The following BRIP1 variants were observed in gnomAD, a reference collection of about 807,000 sequenced individuals.
The protein encoded by BRIP1 is Fanconi anemia group J protein.
Under a neutral mutation model 119.7 loss-of-function variants are expected in BRIP1, and 88 were observed. The observed-to-expected ratio is 0.74, with a 90% CI of 0.62 to 0.88. BRIP1 has a LOEUF of 0.88. BRIP1 is among the 40% of genes least tolerant of loss of function. The probability of loss-of-function intolerance (pLI) is 0.00; values close to 1 mark genes in which losing one functional copy is unlikely to be tolerated. For synonymous variants in BRIP1, 443 were observed against 496.5 expected, an observed-to-expected ratio of 0.89 and a Z score of 1.43; for missense variants, 1,259 against 1,455.4, an observed-to-expected ratio of 0.87 and a Z score of 2.20.
rs960153427 is a variant in BRIP1, at chr17:61,761,924, G to A, written c.2097+14477C>T. Among the ~76,000 whole-genome samples the A allele has an allele frequency of 2.0e-5, 3 of 151,802 alleles. No individual in the cohort carries two copies. Among genetic ancestry groups the A allele is most frequent in the South Asian group, 4.2e-4 (2 of 4,810 alleles). Reference sequence around the variant, plus strand: ...AAAAAAGAATCCTAAATTTCATATAGAGCCACAAGAAGCTTTGAATAGCCA... The same window carrying A: ...AAAAAAGAATCCTAAATTTCATATAAAGCCACAAGAAGCTTTGAATAGCCA... On this transcript the variant is annotated intron_variant, in intron 14 of 19. Coordinates refer to ENST00000259008, the MANE Select transcript of BRIP1 (RefSeq NM_032043.3). This position sits in a 1 kb window ranked among gnomAD's most constrained non-coding sequence, Gnocchi z 6.4.
intron 16 of BRIP1, among the ~76,000 whole-genome samples, chr17:61,731,949 T>C (rs1380675563): frequency 6.6e-6 from 1 of 150,814 alleles, no homozygotes; most frequent in Non-Finnish European, 1.5e-5. Context: ...TTCTGAATAG[T>C]TGCTTTTTTT....
At position 61,803,190 on chromosome 17, in the gene BRIP1, G is replaced by A. The variant is rs544815885; in HGVS notation, c.919-1716C>T. On this transcript the variant is annotated intron_variant, in intron 7 of 19. Coordinates refer to ENST00000259008, the MANE Select transcript of BRIP1 (RefSeq NM_032043.3). The surrounding 1 kb of genome is among the most constrained non-coding windows in gnomAD (Gnocchi z 4.3). ...GTTCACTGCAACCTCCGCCTCCCAG[G>A]TTCAAGCAATTCTTGTGCCTCAGCC... Among the ~76,000 whole-genome samples, 7 of 152,092 alleles carry A rather than the reference G, an allele frequency of 4.6e-5. No homozygotes were observed. The highest frequency in any genetic ancestry group is 1.4e-4 in the African/African-American group (6 of 41,494).
intron 11 of BRIP1, among the ~76,000 whole-genome samples, chr17:61,781,570 G>A (rs1434828356): frequency 6.6e-6 from 1 of 152,084 alleles, no homozygotes; most frequent in South Asian, 2.1e-4. Context: ...TGATATCTGT[G>A]ATCCCATCCA....
chr17:61,714,423 A>G (rs945155089), intron 17 of BRIP1, among the ~76,000 whole-genome samples: 1 of 152,144 alleles, frequency 6.6e-6, no homozygotes, highest in African/African-American at 2.4e-5. Flanking sequence ...CTACACTTAT[A>G]TACTCAATTA....
At position 61,751,159 on chromosome 17, in the gene BRIP1, T is replaced by C. The variant is rs2077126405; in HGVS notation, c.2098-6568A>G. ...GGAAAATTATTCAACTATAAAGGAA[T>C]GAAATTCTGACAAATGCTTGAATAT... On this transcript the variant is annotated intron_variant, in intron 14 of 19. Coordinates refer to ENST00000259008, the MANE Select transcript of BRIP1 (RefSeq NM_032043.3). The surrounding 1 kb of genome is among the most constrained non-coding windows in gnomAD (Gnocchi z 6.7). 6.6e-6 allele frequency among the ~76,000 whole-genome samples: 1 copy of C among 152,192 alleles called. No homozygotes were observed. Among genetic ancestry groups the C allele is most frequent in the Admixed American group, 6.5e-5 (1 of 15,274 alleles).
chr17:61,718,638 T>A (rs910135000), intron 16 of BRIP1, among the ~76,000 whole-genome samples: 7 of 152,208 alleles, frequency 4.6e-5, no homozygotes, highest in African/African-American at 1.7e-4. Context: ...CTAAACTTTA[T>A]CTCTTTAACT....
At position 61,778,008 on chromosome 17, in the gene BRIP1, GT is replaced by G. The variant is rs1264086226; in HGVS notation, c.1936-1447del. On this transcript the variant is annotated intron_variant, in intron 13 of 19. Transcript: ENST00000259008. This position sits in a 1 kb window ranked among gnomAD's most constrained non-coding sequence, Gnocchi z 4.4. The stretch of plus-strand genomic sequence containing the variant: ...TAGTCATCTCATTAGCATACAAAAT[GT>G]CACTTTGGAGATTCTAAGGATTTTA... Among the ~76,000 whole-genome samples the G allele has an allele frequency of 3.9e-5, 6 of 152,222 alleles. No homozygotes were observed. Among genetic ancestry groups the G allele is most frequent in the African/African-American group, 1.2e-4 (5 of 41,550 alleles).
Position 61,717,629 on chromosome 17 carries a change from G to A in BRIP1, c.2380-1566C>T, listed in dbSNP as rs1343524613. Among the ~76,000 whole-genome samples, 3 of 152,002 alleles carry A rather than the reference G, an allele frequency of 2.0e-5. No homozygotes were observed. Among genetic ancestry groups the A allele is most frequent in the East Asian group, 3.9e-4 (2 of 5,186 alleles). ...CTGTAATGTTCCCCTTTCTTTTAGCGACTTTGGATTGGATTACAGTGTGCT... is the reference window on the plus strand; with the variant it reads ...CTGTAATGTTCCCCTTTCTTTTAGCAACTTTGGATTGGATTACAGTGTGCT... On this transcript the variant is annotated intron_variant, in intron 16 of 19. Transcript: ENST00000259008. This position sits in a 1 kb window ranked among gnomAD's most constrained non-coding sequence, Gnocchi z 4.1.
rs1051304974 is a variant in BRIP1, at chr17:61,834,501, C to T, written c.627+12600G>A. Reference sequence around the variant, plus strand: ...TATATATGTAATATATACTACGTAACAAAAATGGCAACAAATTCTACTTAT... The same window carrying T: ...TATATATGTAATATATACTACGTAATAAAAATGGCAACAAATTCTACTTAT... On this transcript the variant is annotated intron_variant, in intron 6 of 19. Transcript: ENST00000259008. This position sits in a 1 kb window ranked among gnomAD's most constrained non-coding sequence, Gnocchi z 4.4. Among the ~76,000 whole-genome samples the T allele has an allele frequency of 6.6e-5, 10 of 152,112 alleles. No individual in the cohort carries two copies. Among genetic ancestry groups the T allele is most frequent in the African/African-American group, 2.2e-4 (9 of 41,498 alleles).
intron 6 of BRIP1, among the ~76,000 whole-genome samples, chr17:61,838,329 G>T (rs1288272499): frequency 6.6e-6 from 1 of 151,814 alleles, no homozygotes; most frequent in Non-Finnish European, 1.5e-5. Flanking sequence ...CAAAGTGCTG[G>T]GATTATAGGA....
chr17:61,858,578 G>C (rs1045428180), intron 3 of BRIP1, among the ~76,000 whole-genome samples: 12 of 152,176 alleles, frequency 7.9e-5, no homozygotes, highest in African/African-American at 2.9e-4. Flanking sequence ...TCTCCACGTT[G>C]GTCTGGCTGG....
chr17:61,833,314 C>CAAA (rs2078520047), intron 6 of BRIP1, among the ~76,000 whole-genome samples: 1 of 152,126 alleles, frequency 6.6e-6, no homozygotes, highest in African/African-American at 2.4e-5. Flanking sequence ...AGATTTGAAA[C>CAAA]TTTTGAGAAT....
At chr17:61,694,072 AAC>A (rs902561570) in intron 17 of BRIP1, among the ~76,000 whole-genome samples, 3 of 152,154 alleles carry the variant, frequency 2.0e-5, no homozygotes, top group Admixed American at 6.5e-5. Flanking sequence ...AGTTTAAAAA[AAC>A]ACATTAAAAA....
At chr17:61,749,314 AAG>A (rs1261179720) in intron 14 of BRIP1, among the ~76,000 whole-genome samples, 1 of 152,140 alleles carries the variant, frequency 6.6e-6, no homozygotes, top group Non-Finnish European at 1.5e-5. Flanking sequence ...AGGGAAAAAA[AAG>A]AGTGGAAAGG....
rs1603293250 is a variant in BRIP1, at chr17:61,715,877, G to C, written c.2492+74C>G. ...AATTTTACCAAGTTTATTATAAAGAGTAAAGTAGCAAGACTAGATTTATAT... is the reference window on the plus strand; with the variant it reads ...AATTTTACCAAGTTTATTATAAAGACTAAAGTAGCAAGACTAGATTTATAT... On this transcript the variant is annotated intron_variant, in intron 17 of 19. Transcript: ENST00000259008. The C allele has an allele frequency of 1.1e-5, 11 of 988,114 alleles. No individual in the cohort carries two copies. In the East Asian group the frequency reaches 2.9e-4, roughly 26 times the overall value. The allele number at this position is 988,114 out of a possible 1,614,324, so 61.2% of individuals were successfully genotyped here.
rs2061671192 is a variant in BRIP1 at position 61,704,988 on chromosome 17, G to A, written c.2492+10963C>T. 6.6e-6 allele frequency among the ~76,000 whole-genome samples: 1 copy of A among 151,922 alleles called. No homozygotes were observed. Among genetic ancestry groups the A allele is most frequent in the South Asian group, 2.1e-4 (1 of 4,816 alleles). On this transcript the variant is annotated intron_variant, in intron 17 of 19. Transcript: ENST00000259008. This position sits in a 1 kb window ranked among gnomAD's most constrained non-coding sequence, Gnocchi z 5.7. ...AGTACATGTGCAGGTTTGTTACAAA[G>A]GTATATTGCATGATGTTGAGTTTGG...
rs959510200 is a variant in BRIP1 at position 61,846,175 on chromosome 17, T to TC, written c.627+925dup. Among the ~76,000 whole-genome samples the TC allele has an allele frequency of 2.0e-5, 3 of 148,430 alleles. No homozygotes were observed. Among genetic ancestry groups the TC allele is most frequent in the Non-Finnish European group, 4.5e-5 (3 of 67,282 alleles). On this transcript the variant is annotated intron_variant, in intron 6 of 19. Coordinates refer to ENST00000259008, the MANE Select transcript of BRIP1 (RefSeq NM_032043.3). The surrounding 1 kb of genome is among the most constrained non-coding windows in gnomAD (Gnocchi z 4.3). ...TCCAGCCTGGGTGACAGAGCGATAC[T>TC]CCGTCTCAAAAAAAAATTAAAATAA...
At chr17:61,712,598 T>C (rs1005439477) in intron 17 of BRIP1, among the ~76,000 whole-genome samples, 1 of 152,168 alleles carries the variant, frequency 6.6e-6, no homozygotes, top group African/African-American at 2.4e-5. Flanking sequence ...TAAAATTTCA[T>C]AGAGAATATA....
rs1186792456 is a variant in BRIP1, at chr17:61,815,400, T to A, written c.628-6643A>T. On this transcript the variant is annotated intron_variant, in intron 6 of 19. Coordinates refer to ENST00000259008, the MANE Select transcript of BRIP1 (RefSeq NM_032043.3). This position sits in a 1 kb window ranked among gnomAD's most constrained non-coding sequence, Gnocchi z 4.1. ...TTAGGGCTTTATTCCAGAATTTATA[T>A]CTGGTTTTTTAACGAAAATCAAATG... Among the ~76,000 whole-genome samples, 1 of 152,318 alleles carries A rather than the reference T, an allele frequency of 6.6e-6. No individual in the cohort carries two copies. The highest frequency in any genetic ancestry group is 2.1e-4 in the South Asian group (1 of 4,828).
Sources: gnomAD v4.1 joint callset for allele counts (sites outside exome capture counted in the v4.1 genomes callset) on GRCh38, gnomAD v4.1.1 for gene constraint, Gnocchi (gnomAD v3.1) non-coding constraint, MANE v1.5 for transcripts, NCBI Gene and HGNC (gene_info 2026-07-23, HGNC 2026-07-21) for gene names.